The following BBS9 variants were observed in gnomAD, a reference collection of about 807,000 sequenced individuals.
BBS9 encodes the protein Bardet-Biedl syndrome 9, also known as protein PTHB1.
Under a neutral mutation model 117.7 loss-of-function variants are expected in BBS9, and 89 were observed. The observed-to-expected ratio is 0.76, with a 90% CI of 0.64 to 0.90. BBS9 has a LOEUF of 0.90. Ranked by LOEUF, BBS9 falls within the 40% of genes least tolerant of loss-of-function variation. The pLI is 0.00. For synonymous variants in BBS9, 379 were observed against 370.9 expected (o/e 1.02, Z -0.25); for missense variants, 982 against 1,042.2 (o/e 0.94, Z 0.80).
intron 5 of BBS9, among the ~76,000 whole-genome samples, chr7:33,186,460 C>T (rs1187008803): frequency 1.3e-5 from 2 of 152,142 alleles, no homozygotes; most frequent in Admixed American, 1.3e-4. Context: ...AATTTACCTC[C>T]TCCCCCATTC....
chr7:33,387,865 C>T (rs1826305399), intron 18 of BBS9, 127 bp from the exon 19 acceptor site: 1 of 1,062,690 alleles, frequency 9.4e-7, no homozygotes, highest in Non-Finnish European at 1.4e-6. Context: ...GTTTTAATTC[C>T]CTTAACTCTA....
chr7:33,372,120 A>G (rs112126762), intron 17 of BBS9, among the ~76,000 whole-genome samples: 14 of 151,822 alleles, frequency 9.2e-5, no homozygotes, highest in African/African-American at 1.9e-4. Flanking sequence ...AATAAAAGGG[A>G]AAAAAAAGGT....
intron 19 of BBS9, among the ~76,000 whole-genome samples, chr7:33,488,034 T>A (rs891617820): frequency 7.2e-5 from 11 of 152,142 alleles, no homozygotes; most frequent in African/African-American, 2.6e-4. Flanking sequence ...TCTGAAAAAA[T>A]AGAAAATCAA....
At position 33,193,421 on chromosome 7, in the gene BBS9, C is replaced by CGTTTTTTTTTTTTTTTTTTTTTTTTTT. The variant is rs1562773513; in HGVS notation, c.442+15830_442+15831insGTTTTTTTTTTTTTTTTTTTTTTTTTT. On this transcript the variant is annotated intron_variant, in intron 5 of 22. Coordinates refer to ENST00000242067, the MANE Select transcript of BBS9 (RefSeq NM_198428.3). ...TTGTCTTCCCCTGTCCCTCTCTCTG[C>CGTTTTTTTTTTTTTTTTTTTTTTTTTT]CTTTTTTTTTTTTTTTTTTTGTAGT... 3.0e-5 allele frequency among the ~76,000 whole-genome samples: 2 copies of CGTTTTTTTTTTTTTTTTTTTTTTTTTT among 67,792 alleles called. 1 individual carries two copies. The allele number at this position is 67,792 out of a possible 152,430, so 44.5% of individuals were successfully genotyped here. A position where few individuals can be genotyped will look rare whatever the true frequency, so the allele number is the denominator to read the frequency against.
At chr7:33,586,499 G>A (rs1298516705) in intron 21 of BBS9, among the ~76,000 whole-genome samples, 1 of 152,046 alleles carries the variant, frequency 6.6e-6, no homozygotes, top group Admixed American at 6.6e-5. Context: ...ATTTCTCAGA[G>A]AACTGAGAGT....
chr7:33,546,074 C>T (rs752670760), intron 21 of BBS9, among the ~76,000 whole-genome samples: 16 of 151,572 alleles, frequency 1.1e-4, no homozygotes, highest in Non-Finnish European at 1.9e-4. Flanking sequence ...GCTGGGACTA[C>T]AGGCGCCTGC....
chr7:33,141,905 A>G (rs1244109543), intron 1 of BBS9, among the ~76,000 whole-genome samples: 1 of 151,794 alleles, frequency 6.6e-6, no homozygotes, highest in African/African-American at 2.4e-5. Flanking sequence ...CTTGCAGTCT[A>G]TCCAAGTTGC....
At chr7:33,423,746 G>A (rs1054279310) in intron 19 of BBS9, among the ~76,000 whole-genome samples, 1 of 152,088 alleles carries the variant, frequency 6.6e-6, no homozygotes, top group Non-Finnish European at 1.5e-5. Flanking sequence ...AAAACTTGAA[G>A]TCTTCTTTCA....
rs375755742 is a variant in BBS9 at position 33,359,202 on chromosome 7, A to G, written c.1693+1207A>G. 4.7e-4 allele frequency among the ~76,000 whole-genome samples: 72 copies of G among 152,088 alleles called. 2 individuals are homozygous for G. The East Asian group carries it at 0.012, about 24-fold the overall frequency. On this transcript the variant is annotated intron_variant, in intron 16 of 22. Coordinates refer to ENST00000242067, the MANE Select transcript of BBS9 (RefSeq NM_198428.3). ...CTTATTAGTTTCTTGGGTCTCCTATACTACCTTAGGAACATAGTTGGAAAT... is the reference window on the plus strand; with the variant it reads ...CTTATTAGTTTCTTGGGTCTCCTATGCTACCTTAGGAACATAGTTGGAAAT...
At position 33,596,391 on chromosome 7, in the gene BBS9, C is replaced by CTATCTATATATA. The variant is rs968148294; in HGVS notation, c.2522-8471_2522-8470insCTATATATATAT. Among the ~76,000 whole-genome samples the CTATCTATATATA allele has an allele frequency of 1.9e-4, 29 of 150,526 alleles. No homozygotes were observed. The South Asian group carries it at 4.0e-3, about 21-fold the overall frequency. ...TCTATCTATCTATCTATCTATCTAT[C>CTATCTATATATA]TATATATAATTAGTCAAAAAAATTC... On this transcript the variant is annotated intron_variant, in intron 21 of 22. Transcript: ENST00000242067.
chr7:33,541,420 T>C (rs1370839241), intron 21 of BBS9, among the ~76,000 whole-genome samples: 1 of 152,218 alleles, frequency 6.6e-6, no homozygotes, highest in East Asian at 1.9e-4. Context: ...AACACTCTTA[T>C]CGCTTATTTA....
intron 21 of BBS9, among the ~76,000 whole-genome samples, chr7:33,549,956 T>C (rs1233355139): frequency 3.9e-5 from 6 of 152,218 alleles, no homozygotes; most frequent in Admixed American, 3.9e-4. Context: ...TGGTACTGTT[T>C]TGTCTTCAAA....
At chr7:33,270,920 T>A (rs1408576892) in intron 7 of BBS9, among the ~76,000 whole-genome samples, 1 of 152,118 alleles carries the variant, frequency 6.6e-6, no homozygotes, top group East Asian at 1.9e-4. Context: ...TCAGATTCTA[T>A]AAGGTCAAAA....
intron 9 of BBS9, among the ~76,000 whole-genome samples, chr7:33,326,626 G>A (rs767946401): frequency 4.6e-5 from 7 of 151,956 alleles, no homozygotes; most frequent in Non-Finnish European, 8.8e-5. Flanking sequence ...TCCACTCAAG[G>A]CCAATGACGA....
At chr7:33,571,907 T>C (rs2598403) in intron 21 of BBS9, among the ~76,000 whole-genome samples, 54,798 of 151,998 alleles carry the variant, frequency 0.36, 14,427 homozygotes, top group African/African-American at 0.74. Flanking sequence ...CATCAGTCAC[T>C]TCAAATATTT....
At chr7:33,215,520 C>T (rs1041345345) in intron 5 of BBS9, among the ~76,000 whole-genome samples, 2 of 152,084 alleles carry the variant, frequency 1.3e-5, no homozygotes, top group African/African-American at 4.8e-5. Flanking sequence ...TTAATTAAGA[C>T]CTGAAAATAG....
intron 5 of BBS9, among the ~76,000 whole-genome samples, chr7:33,182,073 C>T (rs1050600667): frequency 4.6e-5 from 7 of 151,862 alleles, no homozygotes; most frequent in Admixed American, 2.6e-4. Flanking sequence ...GGTGACAGAG[C>T]GAGACTCCGT....
chr7:33,578,065 C>T (rs1193298286), intron 21 of BBS9, among the ~76,000 whole-genome samples: 3 of 152,072 alleles, frequency 2.0e-5, no homozygotes, highest in Non-Finnish European at 4.4e-5. Context: ...AAAAAATGTC[C>T]TCTTGCTAAG....
At position 33,134,818 on chromosome 7, in the gene BBS9, T is replaced by TCTCTCAGG. The variant is rs1429268820; in HGVS notation, c.-12+4780_-12+4787dup. Among the ~76,000 whole-genome samples the TCTCTCAGG allele has an allele frequency of 8.5e-5, 13 of 152,212 alleles. No individual in the cohort carries two copies. In the East Asian group the frequency reaches 2.5e-3, roughly 30 times the overall value. ...GCTTTGTTGCCCAGGCTCTTCTCAA[T>TCTCTCAGG]CTCTCAGGCTTAAGCAGTTTCCTTG... On this transcript the variant is annotated intron_variant, in intron 1 of 22. Transcript: ENST00000242067.
Sources: allele counts gnomAD v4.1 joint callset (sites outside exome capture counted in the v4.1 genomes callset), GRCh38; gene constraint gnomAD v4.1.1; transcripts MANE v1.5; gene names NCBI Gene and HGNC (gene_info 2026-07-23, HGNC 2026-07-21).